DGCR2: variants seen among roughly 807,000 people sequenced by gnomAD.
DGCR2 encodes integral membrane protein DGCR2/IDD.
DGCR2 carries 24 observed loss-of-function variants against 51.6 expected under a neutral mutation model. That is an observed-to-expected ratio of 0.47 (90% CI 0.34 to 0.65). DGCR2 has a LOEUF of 0.65. DGCR2 is among the 30% of genes least tolerant of loss of function. DGCR2 has a pLI of 0.01. For synonymous variants in DGCR2, 340 were observed against 315.4 expected, an observed-to-expected ratio of 1.08 and a Z score of -0.82; for missense variants, 765 against 772.1, an observed-to-expected ratio of 0.99 and a Z score of 0.11.
intron 2 of DGCR2, among the ~76,000 whole-genome samples, chr22:19,084,194 T>C (rs2082978732): frequency 6.6e-6 from 1 of 150,818 alleles, no homozygotes; most frequent in Non-Finnish European, 1.5e-5. Context: ...ATCTGGGATG[T>C]GAGGAGCCCC....
intron 1 of DGCR2, among the ~76,000 whole-genome samples, chr22:19,105,719 C>A (rs934265867): frequency 2.0e-5 from 3 of 151,974 alleles, no homozygotes; most frequent in Non-Finnish European, 4.4e-5. Context: ...AGACAGAGAG[C>A]AGACCTGGGA....
At chr22:19,103,517 G>A (rs540345359) in intron 1 of DGCR2, among the ~76,000 whole-genome samples, 8 of 126,756 alleles carry the variant, frequency 6.3e-5, no homozygotes, top group Admixed American at 4.9e-4. Flanking sequence ...TGCAAGCTCC[G>A]CCTCCCGGGT....
intron 1 of DGCR2, among the ~76,000 whole-genome samples, chr22:19,105,456 G>A (rs1165228158): frequency 6.6e-6 from 1 of 152,194 alleles, no homozygotes; most frequent in African/African-American, 2.4e-5. Flanking sequence ...TGAATAATAA[G>A]GGCCTTGAAT....
In DGCR2 at chr22:19,090,826, A is replaced by G. The variant is rs11704311; in HGVS notation, c.80-1336T>C. The stretch of plus-strand genomic sequence containing the variant: ...CCAAAAGAAGGAAAAAAAAAAGACA[A>G]ACAGATGGTACAAATGAAAACAAAG... On this transcript the variant is annotated intron_variant, in intron 1 of 9. Transcript: ENST00000263196. Among the ~76,000 whole-genome samples, 592 of 152,268 alleles carry G rather than the reference A, an allele frequency of 3.9e-3. 3 individuals are homozygous for G. The highest frequency in any genetic ancestry group is 8.2e-3 in the Admixed American group (125 of 15,296).
chr22:19,062,779 A>ATGCTCTCT, intron 5 of DGCR2, among the ~76,000 whole-genome samples: 6 of 127,354 alleles, frequency 4.7e-5, no homozygotes, highest in Non-Finnish European at 9.0e-5. Context: ...ATGCATGCTC[A>ATGCTCTCT]CTCTCTCTCT....
intron 8 of DGCR2, 73 bp from the exon 9 acceptor site, chr22:19,041,367 C>T: frequency 6.8e-7 from 1 of 1,478,498 alleles, no homozygotes; most frequent in East Asian, 2.3e-5. Context: ...CCTGAGCCCC[C>T]CACCCCCAGG....
At chr22:19,105,338 T>A (rs191248868) in intron 1 of DGCR2, among the ~76,000 whole-genome samples, 4 of 151,804 alleles carry the variant, frequency 2.6e-5, no homozygotes, top group Admixed American at 6.6e-5. Flanking sequence ...ACTAAAAAAA[T>A]AGGGAGGACA....
At chr22:19,105,680 A>G (rs764719521) in intron 1 of DGCR2, among the ~76,000 whole-genome samples, 15 of 139,498 alleles carry the variant, frequency 1.1e-4, no homozygotes, top group Non-Finnish European at 2.0e-4. Flanking sequence ...GCGATGGAGG[A>G]GTGCATCATC....
chr22:19,048,138 C>A, intron 7 of DGCR2: 1 of 455,918 alleles, frequency 2.2e-6, no homozygotes, highest in Non-Finnish European at 4.0e-6. Context: ...AGTTTGAAGA[C>A]AAGTTTGAAG....
chr22:19,084,638 G>A (rs1417186944), intron 2 of DGCR2, among the ~76,000 whole-genome samples: 5 of 150,222 alleles, frequency 3.3e-5, no homozygotes, highest in African/African-American at 9.9e-5. Flanking sequence ...GAGCGTCTCC[G>A]CCCGGCAGCC....
intron 6 of DGCR2, among the ~76,000 whole-genome samples, chr22:19,049,294 G>A (rs191829183): frequency 6.8e-4 from 103 of 152,202 alleles, no homozygotes; most frequent in Middle Eastern, 6.8e-3. Context: ...GCACAGAGCT[G>A]ACCTAGGATG....
intron 1 of DGCR2, among the ~76,000 whole-genome samples, chr22:19,100,613 C>A (rs1480153606): frequency 1.3e-5 from 2 of 150,676 alleles, no homozygotes; most frequent in Non-Finnish European, 3.0e-5. Context: ...TTGCAGTGAG[C>A]CAAGATCGTG....
intron 6 of DGCR2, among the ~76,000 whole-genome samples, chr22:19,055,085 C>A (rs1314440899): frequency 1.3e-5 from 2 of 152,140 alleles, no homozygotes; most frequent in Non-Finnish European, 2.9e-5. Context: ...CACTGCACTC[C>A]AGCCTGGGTG....
At chr22:19,053,639 C>T (rs916488070) in intron 6 of DGCR2, among the ~76,000 whole-genome samples, 2 of 152,154 alleles carry the variant, frequency 1.3e-5, no homozygotes, top group Admixed American at 1.3e-4. Flanking sequence ...CTCTATTGTC[C>T]CACACAAGAT....
intron 1 of DGCR2, among the ~76,000 whole-genome samples, chr22:19,108,276 G>A (rs2083279130): frequency 6.6e-6 from 1 of 152,044 alleles, no homozygotes; most frequent in South Asian, 2.1e-4. Flanking sequence ...GCTTAGTAAA[G>A]ATACACAGAC....
intron 2 of DGCR2, among the ~76,000 whole-genome samples, chr22:19,085,820 G>C (rs985822525): frequency 2.0e-5 from 3 of 152,178 alleles, no homozygotes; most frequent in Admixed American, 1.3e-4. Context: ...CTGAAGTCTA[G>C]TTCAAAAGCA....
At chr22:19,094,038 G>T (rs188633519) in intron 1 of DGCR2, among the ~76,000 whole-genome samples, 9 of 152,240 alleles carry the variant, frequency 5.9e-5, no homozygotes, top group Admixed American at 2.6e-4. Context: ...ATAGGCAAAA[G>T]ATCTTAATGG....
intron 3 of DGCR2, among the ~76,000 whole-genome samples, chr22:19,066,433 CA>C (rs199777890): frequency 2.0e-5 from 3 of 150,600 alleles, no homozygotes; most frequent in Admixed American, 1.3e-4. Context: ...AACAAACAAA[CA>C]AAAAAAAACA....
chr22:19,100,202 G>C (rs769307031), intron 1 of DGCR2, among the ~76,000 whole-genome samples: 1 of 151,708 alleles, frequency 6.6e-6, no homozygotes, highest in East Asian at 1.9e-4. Context: ...CCGGGGAGGC[G>C]AGGTTGCAGT....
Sources: gnomAD v4.1 joint callset for allele counts (sites outside exome capture counted in the v4.1 genomes callset) on GRCh38, gnomAD v4.1.1 for gene constraint, MANE v1.5 for transcripts, NCBI Gene and HGNC (gene_info 2026-07-23, HGNC 2026-07-21) for gene names.